The following LMF2 variants were observed in gnomAD, a reference collection of about 807,000 sequenced individuals.
The protein encoded by LMF2 is lipase maturation factor 2.
Under a neutral mutation model 81.5 loss-of-function variants are expected in LMF2, and 113 were observed. That is an observed-to-expected ratio of 1.39 (90% CI 1.19 to 1.62). The LOEUF is 1.62. Among genes scored for constraint, LMF2 ranks in the 40% most tolerant of loss-of-function variants. The pLI, the probability that LMF2 is intolerant of heterozygous loss-of-function variation, is 0.00. For missense variants in LMF2, 1,235 were observed against 929.1 expected (o/e 1.33, Z -4.28); for synonymous variants, 645 against 424.5 (o/e 1.52, Z -6.39).
intron 10 of LMF2, 35 bp from the exon 11 acceptor site, chr22:50,504,762 A>C (rs1350655217): frequency 6.2e-7 from 1 of 1,605,640 alleles, no homozygotes; most frequent in Non-Finnish European, 8.5e-7. Context: ...GGGCCCGCTG[A>C]CCTGGGCCCC....
Position 50,505,128 on chromosome 22 carries a change from G to A in LMF2, c.1183C>T (p.Arg395Trp), listed in dbSNP as rs765526408. The change falls in exon 9 of 14, where the codon CGG becomes TGG. Residue 395 changes from arginine to tryptophan, a missense_variant. By Grantham distance (101) the Arg-to-Trp change is moderately radical. Transcript: ENST00000474879. ...AGTTGGACTACAGCACTGAGCTTCCGTAGCCAGCCCCGCACCTGGGTCCAC... is the reference window on the plus strand; with the variant it reads ...AGTTGGACTACAGCACTGAGCTTCCATAGCCAGCCCCGCACCTGGGTCCAC... ...WRWTQVRGWLRKLSAVVQLSL... is the reference protein window; with the variant it reads ...WRWTQVRGWLWKLSAVVQLSL... 99 of 1,612,776 alleles carry A rather than the reference G, an allele frequency of 6.1e-5. No individual in the cohort carries two copies. The highest frequency in any genetic ancestry group is 4.5e-4 in the Admixed American group (27 of 60,004).
rs1300946705 is a variant in LMF2 at position 50,504,863 on chromosome 22, G to C, written c.1376C>G (p.Thr459Ser). Residue 459 changes from threonine (T) to serine (S), a missense_variant, in exon 10 of 14, where the codon ACT (threonine) becomes AGT (serine). Thr to Ser is a moderately conservative substitution (Grantham distance 58). Coordinates refer to ENST00000474879, the MANE Select transcript of LMF2 (RefSeq NM_033200.3). ...ANSYGLFRRM[T>S]GLGGRPEVVL... ...CACCTCAGGCCGTCCACCAAGCCCA[G>C]TCATGCGGCGGAAGAGGCCGTAGGA... The C allele has an allele frequency of 1.9e-6, 3 of 1,611,338 alleles. No individual in the cohort carries two copies. Among genetic ancestry groups the C allele is most frequent in the East Asian group, 4.5e-5 (2 of 44,810 alleles).
At chr22:50,505,603 G>C in intron 6 of LMF2, 66 bp from the exon 7 acceptor site, 1 of 1,611,356 alleles carries the variant, frequency 6.2e-7, no homozygotes, top group South Asian at 1.1e-5. Context: ...TGCAGCTAGA[G>C]TGGGAGTCCT....
At position 50,504,826 on chromosome 22, in the gene LMF2, G is replaced by A; in HGVS notation, c.1413C>T (p.Gly471=). The change falls in exon 10 of 14, where the codon GGC becomes GGT. Residue 471 remains glycine, a synonymous_variant. Transcript: ENST00000474879. ...LGGRPEVVLE[G]SYDGHHWTEI... is the part of the protein sequence containing the mutation. ...CCGTCCAGTGGTGGCCGTCGTAACT[G>A]CCCTCCAGCACCACCTCAGGCCGTC... The A allele has an allele frequency of 1.2e-6, 2 of 1,607,740 alleles. No homozygotes were observed. Among genetic ancestry groups the A allele is most frequent in the Non-Finnish European group, 1.7e-6 (2 of 1,176,368 alleles).
At position 50,504,583 on chromosome 22, in the gene LMF2, G is replaced by GC. The variant is rs756781702; in HGVS notation, c.1581dup (p.Arg528AlafsTer172). On this transcript the variant is annotated frameshift_variant, in exon 11 of 14. Coordinates refer to ENST00000474879, the MANE Select transcript of LMF2 (RefSeq NM_033200.3). LOFTEE classifies it high-confidence loss of function. ...CCTGGCTCCTTGCCCTGCAGCAGGC[G>GC]CAAGACCAGGCTTGTGAACCACGGG... 8 of 1,598,222 alleles carry GC rather than the reference G, an allele frequency of 5.0e-6. No individual in the cohort carries two copies. The highest frequency in any genetic ancestry group is 1.7e-6 in the Non-Finnish European group (2 of 1,175,792).
At chr22:50,507,367 A>C (rs1004922733) in intron 1 of LMF2, 11 of 607,698 alleles carry the variant, frequency 1.8e-5, no homozygotes, top group African/African-American at 3.7e-5. Flanking sequence ...TCTGTCCCCC[A>C]CCCCAGGTCA....
Position 50,502,964 on chromosome 22 carries a change from C to T in LMF2, c.*427G>A, listed in dbSNP as rs550334026. ...CAGGCACACAGCCAAGCACAAAAGA[C>T]GCCTTTATTGGTGCCCAGATCTAAA... On this transcript the variant is annotated 3_prime_UTR_variant, in exon 14 of 14. Transcript: ENST00000474879. 1.9e-4 allele frequency: 33 copies of T among 171,168 alleles called. 2 individuals carry two copies. The South Asian group carries it at 1.9e-3, about 10-fold the overall frequency. 10.6% of individuals were successfully genotyped at this position (171,168 alleles called of 1,614,324 possible).
At chr22:50,507,061 G>A in intron 1 of LMF2, 26 bp from the exon 2 acceptor site, 4 of 1,566,526 alleles carry the variant, frequency 2.6e-6, no homozygotes, top group Non-Finnish European at 3.4e-6. Flanking sequence ...TCATGGCCAG[G>A]CCCTGGACAG....
chr22:50,503,586 G>T lies in LMF2; in HGVS notation c.1929C>A (p.Leu643=). Residue 643 remains leucine (L), a synonymous_variant, in exon 14 of 14, where the codon CTC becomes CTA. Coordinates refer to ENST00000474879, the MANE Select transcript of LMF2 (RefSeq NM_033200.3). ...LEAPALLWGL[L]MAVGAVRFVQ... is the part of the protein sequence containing the mutation. Reference sequence around the variant, plus strand: ...CAAATCTGACAGCCCCCACGGCCATGAGGAGCCCCCAGAGCAGGGCGGGGG... The same window carrying T: ...CAAATCTGACAGCCCCCACGGCCATTAGGAGCCCCCAGAGCAGGGCGGGGG... The T allele has an allele frequency of 6.5e-7, 1 of 1,546,784 alleles. No homozygotes were observed.
chr22:50,506,210 A>T lies in LMF2; in HGVS notation c.599T>A (p.Leu200His). The change falls in exon 5 of 14, where the codon CTC becomes CAC. Residue 200 changes from leucine (L) to histidine (H), a missense_variant. By Grantham distance (99) the Leu-to-His change is moderately conservative. Coordinates refer to ENST00000474879, the MANE Select transcript of LMF2 (RefSeq NM_033200.3). ...RCPAWWGLTA[L>H]TYHYETQCLP... ...GCACTGGGTCTCGTAGTGGTAGGTG[A>T]GGGCTGCAGGCGAGGGCAGGAGTCA... 6.4e-7 allele frequency: 1 copy of T among 1,554,742 alleles called. No homozygotes were observed. The highest frequency in any genetic ancestry group is 1.9e-5 in the Admixed American group (1 of 51,312).
chr22:50,507,463 C>T, intron 1 of LMF2, 119 bp downstream of exon 1: 2 of 811,088 alleles, frequency 2.5e-6, no homozygotes, highest in Non-Finnish European at 4.2e-6. Flanking sequence ...CGCCCCCTAC[C>T]CCACGCCAAG....
Position 50,503,670 on chromosome 22 carries a change from G to T in LMF2, c.1845C>A (p.Ala615=). 1 of 1,594,052 alleles carries T rather than the reference G, an allele frequency of 6.3e-7. No homozygotes were observed. ...GGAGGGCCTGGGCCAGGGTGCTGTTGGCGCTGCGGGTGCGAGGTGGGCTTT... is the reference window on the plus strand; with the variant it reads ...GGAGGGCCTGGGCCAGGGTGCTGTTTGCGCTGCGGGTGCGAGGTGGGCTTT... ...QEKSPPRTRS[A]NSTLAQALHW... The change falls in exon 14 of 14, where the codon GCC becomes GCA. Residue 615 remains alanine, a synonymous_variant. Transcript: ENST00000474879.
At chr22:50,507,207 A>C in intron 1 of LMF2, 172 bp from the exon 2 acceptor site, 1 of 1,130,032 alleles carries the variant, frequency 8.8e-7, no homozygotes, top group Non-Finnish European at 1.2e-6. Context: ...GACCTGTCAA[A>C]ACCCCGTCCC....
chr22:50,506,170 G>C lies in LMF2; in HGVS notation c.639C>G (p.Ala213=). Residue 213 remains alanine (A), a synonymous_variant, in exon 5 of 14, where the codon GCC becomes GCG. Coordinates refer to ENST00000474879, the MANE Select transcript of LMF2 (RefSeq NM_033200.3). ...CCGGCAGGTGGTGTGCGAACCAGGC[G>C]GCGGGCGTGGGCAGGCACTGGGTCT... ...HYETQCLPTP[A]AWFAHHLPVW... is the part of the protein sequence containing the mutation. 6.4e-7 allele frequency: 1 copy of C among 1,564,058 alleles called. No individual in the cohort carries two copies. Among genetic ancestry groups the C allele is most frequent in the Non-Finnish European group, 8.7e-7 (1 of 1,154,340 alleles).
At chr22:50,505,631 G>A in intron 6 of LMF2, 43 bp downstream of exon 6, 1 of 1,611,490 alleles carries the variant, frequency 6.2e-7, no homozygotes, top group Middle Eastern at 1.7e-4. Flanking sequence ...TGTTGGAGGG[G>A]AGAACCCCTG....
In LMF2 at chr22:50,503,609, G is replaced by A; in HGVS notation, c.1906C>T (p.Pro636Ser). 1 of 1,568,574 alleles carries A rather than the reference G, an allele frequency of 6.4e-7. No individual in the cohort carries two copies. The highest frequency in any genetic ancestry group is 8.6e-7 in the Non-Finnish European group (1 of 1,159,264). The change falls in exon 14 of 14, where the codon CCC becomes TCC. Residue 636 changes from proline (P) to serine (S), a missense_variant. Coordinates refer to ENST00000474879, the MANE Select transcript of LMF2 (RefSeq NM_033200.3). ...TRSQLSPLEA[P>S]ALLWGLLMAV... ...ATGAGGAGCCCCCAGAGCAGGGCGGGGGCCTCCAGGGGAGACAGCTGAGAG... is the reference window on the plus strand; with the variant it reads ...ATGAGGAGCCCCCAGAGCAGGGCGGAGGCCTCCAGGGGAGACAGCTGAGAG...
intron 1 of LMF2, 174 bp from the exon 2 acceptor site, chr22:50,507,209 C>A: frequency 8.9e-7 from 1 of 1,119,054 alleles, no homozygotes. Flanking sequence ...CCTGTCAAAA[C>A]CCCGTCCCAG....
At position 50,504,443 on chromosome 22, in the gene LMF2, G is replaced by A. The variant is rs781260726; in HGVS notation, c.1615C>T (p.Leu539Phe). 8 of 1,611,472 alleles carry A rather than the reference G, an allele frequency of 5.0e-6. No homozygotes were observed. Among genetic ancestry groups the A allele is most frequent in the South Asian group, 3.3e-5 (3 of 91,064 alleles). The change falls in exon 12 of 14, where the codon CTT (leucine) becomes TTT (phenylalanine). Residue 539 changes from leucine (L) to phenylalanine (F), a missense_variant. Leu to Phe is a conservative substitution (Grantham distance 22, BLOSUM62 0). Transcript: ENST00000474879. ...TACCTGGCCACTTGGCTCTGGACAA[G>A]GCGGATCACTGCAGCGAGAGGCATC... ...LLQGKEPVIR[L>F]VQSQVARYPF...
In LMF2 at chr22:50,505,684, C is replaced by T; in HGVS notation, c.906G>A (p.Lys302=). ...ACAAGTGACACGCACAGGTGGCCGT[C>T]TTCTTGCGGCTGCCGTGGCCAGGCT... is the stretch of plus-strand genomic sequence containing the variant. ...AAEPGHGSRK[K]TATSWPKALL... The change falls in exon 6 of 14, where the codon AAG becomes AAA. Residue 302 remains lysine, a synonymous_variant. Coordinates refer to ENST00000474879, the MANE Select transcript of LMF2 (RefSeq NM_033200.3). 6.2e-7 allele frequency: 1 copy of T among 1,612,914 alleles called. No individual in the cohort carries two copies. Among genetic ancestry groups the T allele is most frequent in the South Asian group, 1.1e-5 (1 of 91,080 alleles).
Sources: gnomAD v4.1 joint callset for allele counts on GRCh38, gnomAD v4.1.1 for gene constraint, MANE v1.5 for transcripts, NCBI Gene and HGNC (gene_info 2026-07-23, HGNC 2026-07-21) for gene names.